Variants in THSD4 observed in about 807,000 individuals in gnomAD.
THSD4 encodes thrombospondin type 1 domain containing 4, also known as thrombospondin type-1 domain-containing protein 4.
In THSD4, 69 loss-of-function variants were observed where a neutral mutation model predicts 119.0. The ratio of observed to expected loss-of-function variants is 0.58; its 90% CI spans 0.48 to 0.71. The LOEUF (loss-of-function observed/expected upper bound fraction) is 0.71, where lower values mean the gene tolerates loss of function less well. Among genes scored for constraint, THSD4 ranks in the 30% least tolerant of loss-of-function variants. The probability of loss-of-function intolerance (pLI) is 0.00; values close to 1 mark genes in which losing one functional copy is unlikely to be tolerated. For missense variants in THSD4, 1,393 were observed against 1,391.1 expected, an observed-to-expected ratio of 1.00 and a Z score of -0.02; for synonymous variants, 524 against 540.4, an observed-to-expected ratio of 0.97 and a Z score of 0.42.
chr15:71,454,560 G>A (rs1237824787), intron 7 of THSD4, among the ~76,000 whole-genome samples: 2 of 152,162 alleles, frequency 1.3e-5, no homozygotes, highest in African/African-American at 4.8e-5. Flanking sequence ...TATAGTTAAC[G>A]CCTTTTAAGC....
chr15:71,215,550 G>A, intron 4 of THSD4, 151 bp downstream of exon 4: 2 of 827,482 alleles, frequency 2.4e-6, no homozygotes, highest in Non-Finnish European at 3.4e-6. Context: ...GCTCCACGAA[G>A]CTCCTTTCAC....
intron 1 of THSD4, among the ~76,000 whole-genome samples, chr15:71,128,085 A>G (rs1398049211): frequency 6.6e-6 from 1 of 152,212 alleles, no homozygotes; most frequent in Non-Finnish European, 1.5e-5. Context: ...ATGGAAAAAT[A>G]TAATAACAAA....
chr15:71,305,865 A>G (rs945604799), intron 6 of THSD4, among the ~76,000 whole-genome samples: 3 of 152,032 alleles, frequency 2.0e-5, no homozygotes, highest in Non-Finnish European at 4.4e-5. Context: ...TCGAGTTCCC[A>G]CTCACTGGAA....
intron 7 of THSD4, among the ~76,000 whole-genome samples, chr15:71,440,970 CCTT>C (rs1436134936): frequency 6.6e-6 from 1 of 152,112 alleles, no homozygotes; most frequent in East Asian, 1.9e-4. Flanking sequence ...TTAGTTCAGT[CCTT>C]CTTTGGCTCT....
At chr15:71,636,287 G>A (rs1406029197) in intron 7 of THSD4, among the ~76,000 whole-genome samples, 12 of 152,146 alleles carry the variant, frequency 7.9e-5, no homozygotes, top group Admixed American at 7.9e-4. Flanking sequence ...GCTGGGCATG[G>A]TGGCAGGTGC....
chr15:71,102,719 C>T lies in THSD4; in HGVS notation c.-80+5713C>T, dbSNP rs185156048. The stretch of plus-strand genomic sequence containing the variant: ...AGCTGGGATTACAGATGCCTGCCAC[C>T]ATGCCCAGCTAATTTTTTGTATTTT... On this transcript the variant is annotated intron_variant, in intron 1 of 17. Transcript: ENST00000355327. Among the ~76,000 whole-genome samples, 44 of 152,220 alleles carry T rather than the reference C, an allele frequency of 2.9e-4. 1 individual carries two copies. The highest frequency in any genetic ancestry group is 1.0e-3 in the African/African-American group (42 of 41,534).
chr15:71,203,194 A>T (rs1567156168), intron 3 of THSD4, among the ~76,000 whole-genome samples: 4 of 152,078 alleles, frequency 2.6e-5, no homozygotes, highest in Non-Finnish European at 5.9e-5. Flanking sequence ...GTGTGAGCAT[A>T]GGGGGACAGA....
chr15:71,725,419 G>A (rs1354707056), intron 8 of THSD4, among the ~76,000 whole-genome samples: 1 of 152,182 alleles, frequency 6.6e-6, no homozygotes, highest in African/African-American at 2.4e-5. Context: ...CATGGTCCTA[G>A]GAAATTGCTC....
At chr15:71,579,853 T>C (rs1192380243) in intron 7 of THSD4, among the ~76,000 whole-genome samples, 1 of 152,048 alleles carries the variant, frequency 6.6e-6, no homozygotes, top group Non-Finnish European at 1.5e-5. Context: ...TTTCTATCAC[T>C]ATATAACAAA....
chr15:71,492,469 G>A (rs143817482), intron 7 of THSD4, among the ~76,000 whole-genome samples: 2 of 152,006 alleles, frequency 1.3e-5, no homozygotes, highest in East Asian at 3.9e-4. Flanking sequence ...ATTTTTAATA[G>A]AGGGGGGGAG....
chr15:71,235,495 TC>T (rs1020252251), intron 4 of THSD4, among the ~76,000 whole-genome samples: 70 of 152,214 alleles, frequency 4.6e-4, no homozygotes, highest in African/African-American at 1.6e-3. Context: ...CTCATGAGCT[TC>T]CTTCTCATCT....
chr15:71,716,590 G>GGT (rs1555445100), intron 8 of THSD4, among the ~76,000 whole-genome samples: 1 of 143,822 alleles, frequency 7.0e-6, no homozygotes, highest in African/African-American at 2.6e-5. Flanking sequence ...GTTGGTTTTT[G>GGT]TTTTTTTTTT....
chr15:71,401,790 G>C (rs1170561437), intron 6 of THSD4, among the ~76,000 whole-genome samples: 1 of 152,142 alleles, frequency 6.6e-6, no homozygotes, highest in Non-Finnish European at 1.5e-5. Flanking sequence ...CTACTATAAA[G>C]ACATATGCAC....
Position 71,768,894 on chromosome 15 carries a change from G to GAA in THSD4, c.2770-2163_2770-2162dup, listed in dbSNP as rs142555967. On this transcript the variant is annotated intron_variant, in intron 16 of 17. Coordinates refer to ENST00000261862, the MANE Select transcript of THSD4 (RefSeq NM_024817.3). The stretch of plus-strand genomic sequence containing the variant: ...CGCCCAGCAATCCTGATTTTTAAAG[G>GAA]AAAAAAAATCTGTATTAAAAAATCT... Among the ~76,000 whole-genome samples, 22 of 136,974 alleles carry GAA rather than the reference G, an allele frequency of 1.6e-4. No homozygotes were observed. The South Asian group carries it at 2.1e-3, about 13-fold the overall frequency. The allele number at this position is 136,974 out of a possible 152,430, so 89.9% of individuals were successfully genotyped here. A position where few individuals can be genotyped will look rare whatever the true frequency, so the allele number is the denominator to read the frequency against.
chr15:71,274,903 T>A (rs940137859), intron 6 of THSD4, among the ~76,000 whole-genome samples: 1 of 151,996 alleles, frequency 6.6e-6, no homozygotes, highest in African/African-American at 2.4e-5. Context: ...AATGAGCAGA[T>A]TAGACTAAAT....
chr15:71,190,932 G>A (rs368826462), intron 3 of THSD4, among the ~76,000 whole-genome samples: 2 of 151,964 alleles, frequency 1.3e-5, no homozygotes, highest in Non-Finnish European at 2.9e-5. Context: ...ATTTAGACTC[G>A]CGTCCCCCTT....
At chr15:71,752,635 G>A (rs145356888) in intron 14 of THSD4, among the ~76,000 whole-genome samples, 3 of 152,254 alleles carry the variant, frequency 2.0e-5, no homozygotes, top group African/African-American at 4.8e-5. Context: ...CACTTATTTC[G>A]TATTTGACCC....
intron 7 of THSD4, among the ~76,000 whole-genome samples, chr15:71,504,613 T>C (rs990316015): frequency 1.3e-5 from 2 of 152,172 alleles, no homozygotes; most frequent in Admixed American, 1.3e-4. Flanking sequence ...ACCTTTTTAT[T>C]TTGGAGTAAC....
intron 7 of THSD4, among the ~76,000 whole-genome samples, chr15:71,587,077 C>T (rs1464665843): frequency 6.6e-6 from 1 of 151,298 alleles, no homozygotes; most frequent in African/African-American, 2.4e-5. Flanking sequence ...TATGAGATAT[C>T]ATCTCACACC....
Sources: gnomAD v4.1 joint callset for allele counts (sites outside exome capture counted in the v4.1 genomes callset) on GRCh38, gnomAD v4.1.1 for gene constraint, MANE v1.5 for transcripts, NCBI Gene and HGNC (gene_info 2026-07-23, HGNC 2026-07-21) for gene names.